MED15: variants seen among roughly 807,000 people sequenced by gnomAD.
MED15 encodes mediator of RNA polymerase II transcription subunit 15.
In MED15, 41 loss-of-function variants were observed where a neutral mutation model predicts 118.7. The ratio of observed to expected loss-of-function variants is 0.35; its 90% CI spans 0.27 to 0.45. MED15 has a LOEUF of 0.45. Ranked by LOEUF, MED15 falls within the 20% of genes least tolerant of loss-of-function variation. The pLI is 1.00. For synonymous variants in MED15, 436 were observed against 413.9 expected (o/e 1.05, Z -0.65); for missense variants, 740 against 1,025.5 (o/e 0.72, Z 3.80).
intron 16 of MED15, 181 bp from the exon 17 acceptor site, chr22:20,585,547 T>G (rs1466003419): frequency 1.4e-6 from 1 of 691,812 alleles, no homozygotes; most frequent in African/African-American, 1.8e-5. Context: ...TGGGCACCCA[T>G]CAATGCAGAG....
intron 5 of MED15, among the ~76,000 whole-genome samples, chr22:20,563,774 T>A (rs936670973): frequency 6.6e-6 from 1 of 152,266 alleles, no homozygotes; most frequent in African/African-American, 2.4e-5. Flanking sequence ...GACATAATTC[T>A]CATTAGCATA....
intron 9 of MED15, among the ~76,000 whole-genome samples, chr22:20,575,770 A>C (rs1405310892): frequency 3.6e-5 from 3 of 83,356 alleles, no homozygotes; most frequent in Non-Finnish European, 8.4e-5. Flanking sequence ...TTTAAAAACA[A>C]AAAAAAAACC....
intron 1 of MED15, chr22:20,508,300 A>C: frequency 7.7e-7 from 1 of 1,302,946 alleles, no homozygotes; most frequent in Non-Finnish European, 1.0e-6. Context: ...TCAGGAAGCG[A>C]TCGTCGTTTC....
intron 7 of MED15, among the ~76,000 whole-genome samples, chr22:20,567,590 C>CA (rs2056488448): frequency 6.6e-6 from 1 of 152,324 alleles, no homozygotes; most frequent in East Asian, 1.9e-4. Flanking sequence ...TGGGAGTCGA[C>CA]ACACTGCCTG....
chr22:20,508,300 A>G, intron 1 of MED15: 1 of 1,302,946 alleles, frequency 7.7e-7, no homozygotes, highest in South Asian at 1.2e-5. Flanking sequence ...TCAGGAAGCG[A>G]TCGTCGTTTC....
At chr22:20,573,376 C>G (rs1426607801) in intron 8 of MED15, among the ~76,000 whole-genome samples, 1 of 152,212 alleles carries the variant, frequency 6.6e-6, no homozygotes, top group African/African-American at 2.4e-5. Context: ...TTATCCAAGA[C>G]AGACTCCCAT....
intron 9 of MED15, chr22:20,582,264 T>C (rs954946337): frequency 1.1e-4 from 43 of 391,974 alleles, no homozygotes; most frequent in Non-Finnish European, 1.1e-4. Context: ...CAGGCAGGCG[T>C]GTCAGGGAAG....
intron 5 of MED15, among the ~76,000 whole-genome samples, chr22:20,555,674 G>A (rs2055971302): frequency 6.6e-6 from 1 of 152,208 alleles, no homozygotes; most frequent in African/African-American, 2.4e-5. Context: ...AGGTGTTATA[G>A]GTGAACCAAA....
At chr22:20,575,383 T>A (rs1453416249) in intron 9 of MED15, 151 bp downstream of exon 9, 110 of 862,082 alleles carry the variant, frequency 1.3e-4, no homozygotes, top group African/African-American at 8.0e-4. Context: ...TTTTTTTTTT[T>A]AAATGAAGCC....
chr22:20,512,486 G>A (rs1389473370), intron 1 of MED15, among the ~76,000 whole-genome samples: 7 of 150,478 alleles, frequency 4.7e-5, no homozygotes. Flanking sequence ...GCCCTTTTTA[G>A]TTTCCCATAG....
At chr22:20,520,252 C>CG (rs2054399681) in intron 1 of MED15, among the ~76,000 whole-genome samples, 1 of 152,186 alleles carries the variant, frequency 6.6e-6, no homozygotes, top group Non-Finnish European at 1.5e-5. Flanking sequence ...CCCACGTGCC[C>CG]GCTGCCCTTC....
intron 1 of MED15, among the ~76,000 whole-genome samples, chr22:20,527,261 T>C (rs2054678314): frequency 6.6e-6 from 1 of 152,180 alleles, no homozygotes; most frequent in Non-Finnish European, 1.5e-5. Context: ...CTATCTCTTT[T>C]ACTTTTAGCT....
rs1180948177 is a variant in MED15, at chr22:20,537,058, G to A, written c.69-59G>A. 3 of 1,517,090 alleles carry A rather than the reference G, an allele frequency of 2.0e-6. No individual in the cohort carries two copies. In the African/African-American group the frequency reaches 4.1e-5, roughly 21 times the overall value. The allele number at this position is 1,517,090 out of a possible 1,614,324, so 94.0% of individuals were successfully genotyped here. The stretch of plus-strand genomic sequence containing the variant: ...TGCTATGCAGGGCCTGTTGGCCAGG[G>A]CCCTGCAGCGGTGGAGTCACTGGTG... On this transcript the variant is annotated intron_variant, in intron 1 of 17. Coordinates refer to ENST00000263205, the MANE Select transcript of MED15 (RefSeq NM_001003891.3).
chr22:20,534,754 A>G (rs1378134103), intron 1 of MED15, among the ~76,000 whole-genome samples: 2 of 152,176 alleles, frequency 1.3e-5, no homozygotes. Context: ...GGGTCCTCCC[A>G]GCCCACCCAT....
chr22:20,586,132 C>G lies in MED15; in HGVS notation c.2230+306C>G, dbSNP rs536823423. ...GTAAGCCCATGGCTCAGGGACAGTC[C>G]CCGCTCTTCCCAGAGGCCACTAGCT... On this transcript the variant is annotated intron_variant, in intron 17 of 17. Transcript: ENST00000263205. 7.2e-5 allele frequency among the ~76,000 whole-genome samples: 11 copies of G among 152,296 alleles called. No homozygotes were observed. The South Asian group carries it at 2.3e-3, about 32-fold the overall frequency.
At chr22:20,515,935 G>A (rs763392245) in intron 1 of MED15, among the ~76,000 whole-genome samples, 24 of 151,990 alleles carry the variant, frequency 1.6e-4, no homozygotes, top group African/African-American at 2.2e-4. Context: ...CCTGAGAGGC[G>A]GAGGTTGCAG....
rs138919212 is a variant in MED15, at chr22:20,520,892, A to C, written c.68+13146A>C. Among the ~76,000 whole-genome samples the C allele has an allele frequency of 1.7e-4, 26 of 151,858 alleles. No individual in the cohort carries two copies. The East Asian group carries it at 4.6e-3, about 27-fold the overall frequency. ...GTAGCTGGTACTACAGGTGCTCACC[A>C]CCATGCCCTGCTAATTTTTGTGTTT... On this transcript the variant is annotated intron_variant, in intron 1 of 17. Coordinates refer to ENST00000263205, the MANE Select transcript of MED15 (RefSeq NM_001003891.3).
chr22:20,511,988 C>CTTTTTTTTTTTTTTTT (rs746240328), intron 1 of MED15, among the ~76,000 whole-genome samples: 2 of 92,200 alleles, frequency 2.2e-5, no homozygotes, highest in Non-Finnish European at 3.9e-5. Flanking sequence ...ACATTCTAAG[C>CTTTTTTTTTTTTTTTT]TTTTTTTTTT....
intron 13 of MED15, chr22:20,583,988 C>T: frequency 3.4e-6 from 1 of 289,944 alleles, no homozygotes; most frequent in Admixed American, 4.6e-5. Context: ...CTCTGTTCTG[C>T]TTGTCTGGAT....
Sources: gnomAD v4.1 joint callset for allele counts (sites outside exome capture counted in the v4.1 genomes callset) on GRCh38, gnomAD v4.1.1 for gene constraint, MANE v1.5 for transcripts, NCBI Gene and HGNC (gene_info 2026-07-23, HGNC 2026-07-21) for gene names.